The following GALNT13 variants were observed in gnomAD, a reference collection of about 807,000 sequenced individuals.
The protein encoded by GALNT13 is polypeptide N-acetylgalactosaminyltransferase 13, also known as UDP-GalNAc:polypeptide N-acetylgalactosaminyltransferase 13.
A neutral mutation model predicts 64.2 loss-of-function variants in GALNT13; 28 were observed. The observed-to-expected ratio is 0.44, with a 90% CI of 0.32 to 0.60. GALNT13 has a LOEUF of 0.60. Ranked by LOEUF, GALNT13 falls within the 20% of genes least tolerant of loss-of-function variation. The probability of loss-of-function intolerance (pLI) is 0.05; values close to 1 mark genes in which losing one functional copy is unlikely to be tolerated. For synonymous variants in GALNT13, 214 were observed against 224.6 expected (o/e 0.95, Z 0.42); for missense variants, 577 against 669.8 (o/e 0.86, Z 1.53).
chr2:153,332,534 G>GTTTT, the GALNT13 span, among the ~76,000 whole-genome samples: 10 of 136,206 alleles, frequency 7.3e-5, no homozygotes, highest in South Asian at 2.4e-4. Context: ...TGAGAGTATT[G>GTTTT]TTTTTTTTTT....
chr2:153,285,275 T>G, the GALNT13 span, among the ~76,000 whole-genome samples: 90 of 152,302 alleles, frequency 5.9e-4, no homozygotes, highest in Non-Finnish European at 1.2e-3. Context: ...GGTCCCACCC[T>G]TGATTTGTGG....
the GALNT13 span, among the ~76,000 whole-genome samples, chr2:153,257,237 T>C: frequency 2.0e-5 from 3 of 152,166 alleles, no homozygotes; most frequent in East Asian, 5.8e-4. Context: ...TGTCACCCCT[T>C]TGTTTGACTA....
chr2:153,442,007 G>T, the GALNT13 span, among the ~76,000 whole-genome samples: 1 of 152,136 alleles, frequency 6.6e-6, no homozygotes, highest in Non-Finnish European at 1.5e-5. Context: ...GGTGAGAGAA[G>T]GCATCTTGTC....
chr2:153,410,060 G>A, the GALNT13 span, among the ~76,000 whole-genome samples: 2 of 152,178 alleles, frequency 1.3e-5, no homozygotes, highest in Non-Finnish European at 2.9e-5. Flanking sequence ...AACAAAGTAG[G>A]GCAAAGTCTT....
chr2:153,501,225 T>C, the GALNT13 span, among the ~76,000 whole-genome samples: 1 of 152,222 alleles, frequency 6.6e-6, no homozygotes, highest in Non-Finnish European at 1.5e-5. Flanking sequence ...AGGCAAAGCT[T>C]TTACTCATGA....
intron 4 of GALNT13, among the ~76,000 whole-genome samples, chr2:154,140,808 G>T (rs1232414202): frequency 6.6e-6 from 1 of 152,094 alleles, no homozygotes; most frequent in Non-Finnish European, 1.5e-5. Flanking sequence ...CAGATTCAGA[G>T]CAAATATGCT....
chr2:154,024,567 G>C (rs565042479), intron 3 of GALNT13, among the ~76,000 whole-genome samples: 1 of 152,140 alleles, frequency 6.6e-6, no homozygotes, highest in South Asian at 2.1e-4. Flanking sequence ...ACTTCTCTGC[G>C]TTGGTTATTC....
chr2:154,291,003 G>A lies in GALNT13; in HGVS notation c.976-10406G>A, dbSNP rs565466166. ...ACAGACCTTCTCGGTGAGCGTTACAGCTCATAAAGGCAGCCCGGACCCAAA... is the reference window on the plus strand; with the variant it reads ...ACAGACCTTCTCGGTGAGCGTTACAACTCATAAAGGCAGCCCGGACCCAAA... On this transcript the variant is annotated intron_variant, in intron 8 of 12. Coordinates refer to ENST00000392825, the MANE Select transcript of GALNT13 (RefSeq NM_052917.4). Among the ~76,000 whole-genome samples, 3 of 152,178 alleles carry A rather than the reference G, an allele frequency of 2.0e-5. No homozygotes were observed. In the East Asian group the frequency reaches 5.8e-4, roughly 30 times the overall value.
At chr2:153,612,396 A>G in the GALNT13 span, among the ~76,000 whole-genome samples, 2 of 152,160 alleles carry the variant, frequency 1.3e-5, no homozygotes, top group Admixed American at 6.6e-5. Flanking sequence ...CACACGTAGT[A>G]TGTTTATTGC....
chr2:154,210,804 G>A (rs1322687324), intron 4 of GALNT13, among the ~76,000 whole-genome samples: 8 of 152,148 alleles, frequency 5.3e-5, no homozygotes, highest in Non-Finnish European at 1.5e-5. Context: ...AATTATGGTG[G>A]TTTTAGCTAA....
At chr2:153,752,877 T>C in the GALNT13 span, among the ~76,000 whole-genome samples, 63 of 152,132 alleles carry the variant, frequency 4.1e-4, no homozygotes, top group African/African-American at 1.5e-3. Flanking sequence ...GGCCAATAAC[T>C]CTTAGATTTG....
chr2:153,695,944 T>G, the GALNT13 span, among the ~76,000 whole-genome samples: 5 of 152,232 alleles, frequency 3.3e-5, no homozygotes, highest in South Asian at 8.3e-4. Flanking sequence ...AAACCACAGA[T>G]AGTATTGAAT....
At chr2:153,191,964 G>C in the GALNT13 span, among the ~76,000 whole-genome samples, 1 of 151,324 alleles carries the variant, frequency 6.6e-6, no homozygotes, top group South Asian at 2.1e-4. Context: ...TAATTTTATG[G>C]GTGGTTTATT....
chr2:153,344,583 G>A, the GALNT13 span, among the ~76,000 whole-genome samples: 1 of 152,120 alleles, frequency 6.6e-6, no homozygotes, highest in African/African-American at 2.4e-5. Context: ...AGCTTTTTTT[G>A]TGATTATAGA....
At chr2:153,424,210 T>C in the GALNT13 span, among the ~76,000 whole-genome samples, 1 of 150,988 alleles carries the variant, frequency 6.6e-6, no homozygotes, top group Non-Finnish European at 1.5e-5. Context: ...ATCCTTACTT[T>C]ATATAAAACA....
chr2:154,164,006 C>G (rs1440627159), intron 4 of GALNT13, among the ~76,000 whole-genome samples: 2 of 152,108 alleles, frequency 1.3e-5, no homozygotes, highest in Non-Finnish European at 2.9e-5. Flanking sequence ...AAGATATAAA[C>G]TCTTCCTAAT....
At chr2:153,313,968 T>C in the GALNT13 span, among the ~76,000 whole-genome samples, 8 of 152,186 alleles carry the variant, frequency 5.3e-5, no homozygotes, top group Admixed American at 4.6e-4. Context: ...CCCTTTTCTG[T>C]GTGTTGACTA....
At chr2:154,184,733 C>T (rs183661201) in intron 4 of GALNT13, among the ~76,000 whole-genome samples, 1 of 152,212 alleles carries the variant, frequency 6.6e-6, no homozygotes, top group African/African-American at 2.4e-5. Context: ...AACCAGCTCA[C>T]ACCAGAACTT....
At chr2:153,646,818 A>G in the GALNT13 span, among the ~76,000 whole-genome samples, 1 of 152,170 alleles carries the variant, frequency 6.6e-6, no homozygotes, top group Non-Finnish European at 1.5e-5. Flanking sequence ...GCTGCATAGT[A>G]TTCCATGGTG....
Sources: allele counts gnomAD v4.1 joint callset (sites outside exome capture counted in the v4.1 genomes callset), GRCh38; gene constraint gnomAD v4.1.1; transcripts MANE v1.5; gene names NCBI Gene and HGNC (gene_info 2026-07-23, HGNC 2026-07-21).